AUTS2: variants seen among roughly 807,000 people sequenced by gnomAD.
AUTS2 encodes the protein autism susceptibility gene 2 protein.
In AUTS2, 17 loss-of-function variants were observed where a neutral mutation model predicts 112.4. The ratio of observed to expected loss-of-function variants is 0.15; its 90% confidence interval spans 0.10 to 0.23. The LOEUF (loss-of-function observed/expected upper bound fraction) is 0.23, where lower values mean the gene tolerates loss of function less well. Among genes scored for constraint, AUTS2 ranks in the 10% least tolerant of loss-of-function variants. AUTS2 has a pLI of 1.00. For missense variants in AUTS2, 1,510 were observed against 1,701.6 expected (o/e 0.89, Z 1.98); for synonymous variants, 751 against 702.7 (o/e 1.07, Z -1.09).
At chr7:70,777,902 T>A (rs1790811104) in intron 14 of AUTS2, among the ~76,000 whole-genome samples, 1 of 152,170 alleles carries the variant, frequency 6.6e-6, no homozygotes, top group African/African-American at 2.4e-5. Context: ...ACTGGTGCAT[T>A]CTTTTCATTT....
intron 4 of AUTS2, among the ~76,000 whole-genome samples, chr7:70,346,735 A>G (rs959310695): frequency 5.3e-5 from 8 of 152,076 alleles, no homozygotes; most frequent in African/African-American, 7.2e-5. Context: ...ATAATCACCG[A>G]ACTTTGTTAG....
intron 2 of AUTS2, among the ~76,000 whole-genome samples, chr7:69,902,116 T>G (rs1457108885): frequency 6.6e-6 from 1 of 152,100 alleles, no homozygotes; most frequent in Non-Finnish European, 1.5e-5. Context: ...TATGAAGACA[T>G]TTAAAGGAGA....
intron 1 of AUTS2, among the ~76,000 whole-genome samples, chr7:69,849,499 A>G (rs1759647615): frequency 6.6e-6 from 1 of 152,066 alleles, no homozygotes; most frequent in Non-Finnish European, 1.5e-5. Context: ...CTTCCTTTTT[A>G]TAACAACTTC....
At chr7:69,646,311 A>C (rs1795019674) in intron 1 of AUTS2, among the ~76,000 whole-genome samples, 1 of 152,218 alleles carries the variant, frequency 6.6e-6, no homozygotes, top group African/African-American at 2.4e-5. Flanking sequence ...ATGTATTAGG[A>C]ACATTTTCAA....
At chr7:70,110,308 G>A (rs1279784383) in intron 2 of AUTS2, among the ~76,000 whole-genome samples, 1 of 152,192 alleles carries the variant, frequency 6.6e-6, no homozygotes, top group African/African-American at 2.4e-5. Context: ...CTGAGATCAG[G>A]AGTTTGAGAC....
intron 5 of AUTS2, among the ~76,000 whole-genome samples, chr7:70,597,744 CA>C (rs1803276817): frequency 6.6e-6 from 1 of 152,150 alleles, no homozygotes; most frequent in Admixed American, 6.5e-5. Flanking sequence ...CATTGGGATG[CA>C]CATATTTATT....
At chr7:70,208,946 A>ATT (rs1810717360) in intron 4 of AUTS2, among the ~76,000 whole-genome samples, 1 of 152,106 alleles carries the variant, frequency 6.6e-6, no homozygotes, top group African/African-American at 2.4e-5. Context: ...TGTGGGTAAA[A>ATT]TGTATGTTAT....
chr7:70,218,136 C>T (rs571358736), intron 4 of AUTS2, among the ~76,000 whole-genome samples: 1 of 152,342 alleles, frequency 6.6e-6, no homozygotes, highest in South Asian at 2.1e-4. Context: ...CATTAAGTAA[C>T]AGGGCAGCTA....
intron 6 of AUTS2, among the ~76,000 whole-genome samples, chr7:70,743,240 G>C (rs909429008): frequency 6.6e-5 from 10 of 151,952 alleles, no homozygotes; most frequent in African/African-American, 2.4e-4. Context: ...GGCTGAGGTG[G>C]GCGGATCACA....
At chr7:69,989,099 G>A (rs557342926) in intron 2 of AUTS2, among the ~76,000 whole-genome samples, 1 of 152,304 alleles carries the variant, frequency 6.6e-6, no homozygotes, top group South Asian at 2.1e-4. Context: ...TGTCAAACTT[G>A]TTCATGGTCC....
intron 4 of AUTS2, among the ~76,000 whole-genome samples, chr7:70,316,511 C>A (rs138435558): frequency 0.012 from 1,766 of 150,836 alleles, 23 homozygotes; most frequent in Middle Eastern, 0.1. Flanking sequence ...TCAAGCGACT[C>A]TCCTGCCTCA....
rs931357836 is a variant in AUTS2, at chr7:70,631,133, C to T, written c.691-67436C>T. The stretch of plus-strand genomic sequence containing the variant: ...CCAGCAACCCGCTCTGGCCCCTCGC[C>T]GCGCCATTCCTGATGACAAACTGCC... On this transcript the variant is annotated intron_variant, in intron 5 of 18. Transcript: ENST00000342771. The surrounding 1 kb of genome is among the most constrained non-coding windows in gnomAD (Gnocchi z 4.5). 2.0e-5 allele frequency among the ~76,000 whole-genome samples: 3 copies of T among 152,192 alleles called. No individual in the cohort carries two copies. The highest frequency in any genetic ancestry group is 2.1e-4 in the South Asian group (1 of 4,830).
At chr7:70,726,685 C>T (rs977589274) in intron 6 of AUTS2, among the ~76,000 whole-genome samples, 6 of 152,200 alleles carry the variant, frequency 3.9e-5, no homozygotes, top group Non-Finnish European at 8.8e-5. Flanking sequence ...CCCTGTCCAG[C>T]TTATTGCTGT....
intron 5 of AUTS2, among the ~76,000 whole-genome samples, chr7:70,663,435 G>A (rs558418901): frequency 1.3e-5 from 2 of 152,266 alleles, no homozygotes; most frequent in East Asian, 1.9e-4. Context: ...AGCTCCTATA[G>A]CAAGTGGAGC....
At chr7:70,072,795 T>G (rs899522171) in intron 2 of AUTS2, among the ~76,000 whole-genome samples, 22 of 152,180 alleles carry the variant, frequency 1.4e-4, no homozygotes, top group Non-Finnish European at 4.4e-5. Context: ...TAAAAAAATA[T>G]CGTGTTTGTT....
intron 4 of AUTS2, among the ~76,000 whole-genome samples, chr7:70,215,403 C>G (rs888105581): frequency 6.6e-6 from 1 of 152,232 alleles, no homozygotes; most frequent in Non-Finnish European, 1.5e-5. Flanking sequence ...CAAAGTTCCA[C>G]AGGGCCAGAT....
chr7:70,627,135 G>T (rs1157385547), intron 5 of AUTS2, among the ~76,000 whole-genome samples: 1 of 152,250 alleles, frequency 6.6e-6, no homozygotes, highest in African/African-American at 2.4e-5. Context: ...CCCACCAGCA[G>T]TGTATAAGCA....
intron 2 of AUTS2, among the ~76,000 whole-genome samples, chr7:70,025,568 C>T (rs1449294907): frequency 6.6e-6 from 1 of 151,414 alleles, no homozygotes; most frequent in East Asian, 2.0e-4. Context: ...TCTCCTGCCT[C>T]AGCCTCTCAA....
chr7:70,438,861 T>C (rs1005873783), intron 5 of AUTS2, among the ~76,000 whole-genome samples: 1 of 152,210 alleles, frequency 6.6e-6, no homozygotes, highest in Non-Finnish European at 1.5e-5. Context: ...CCACCAGGGA[T>C]GCTGTTGGAG....
Sources: gnomAD v4.1 joint callset for allele counts (sites outside exome capture counted in the v4.1 genomes callset) on GRCh38, gnomAD v4.1.1 for gene constraint, Gnocchi (gnomAD v3.1) non-coding constraint, MANE v1.5 for transcripts, NCBI Gene and HGNC (gene_info 2026-07-23, HGNC 2026-07-21) for gene names.